The following ELF4 variants were observed in gnomAD, a reference collection of about 807,000 sequenced individuals.
ELF4 encodes the protein ETS-related transcription factor Elf-4.
A neutral mutation model predicts 31.7 loss-of-function variants in ELF4; 10 were observed. The ratio of observed to expected loss-of-function variants is 0.32; its 90% CI spans 0.19 to 0.54. The LOEUF is 0.54. ELF4 is among the 20% of genes least tolerant of loss of function. ELF4 has a pLI of 0.95. For synonymous variants in ELF4, 208 were observed against 226.7 expected (o/e 0.92, Z 0.74); for missense variants, 418 against 522.0 (o/e 0.80, Z 1.94).
At chrX:130,100,381 T>C (rs1254449193) in intron 1 of ELF4, among the ~76,000 whole-genome samples, 1 of 111,418 alleles carries the variant, frequency 9.0e-6, no homozygotes, top group Non-Finnish European at 1.9e-5. Flanking sequence ...ACTCATCTGC[T>C]CAGTTTCCAA....
chrX:130,084,581 G>C (rs140141791), intron 1 of ELF4, among the ~76,000 whole-genome samples: 325 of 111,862 alleles, frequency 2.9e-3, no homozygotes, highest in African/African-American at 1.0e-2. Context: ...GTATTGTGAA[G>C]CTATACCCAG....
At chrX:130,076,926 TC>T (rs1439556806) in intron 2 of ELF4, among the ~76,000 whole-genome samples, 1 of 111,477 alleles carries the variant, frequency 9.0e-6, no homozygotes, top group African/African-American at 3.3e-5. Flanking sequence ...TGTGTAGTGT[TC>T]CTGAGGGATC....
At chrX:130,085,757 T>C (rs1035120811) in intron 1 of ELF4, among the ~76,000 whole-genome samples, 1 of 111,477 alleles carries the variant, frequency 9.0e-6, no homozygotes, top group African/African-American at 3.3e-5. Context: ...CCATGAAACC[T>C]TTCTGGAATT....
At chrX:130,092,017 G>A (rs1029538220) in intron 1 of ELF4, among the ~76,000 whole-genome samples, 2 of 111,779 alleles carry the variant, frequency 1.8e-5, no homozygotes, top group Non-Finnish European at 3.8e-5. Context: ...CACCCTTCCC[G>A]TCTGCTGACC....
intron 1 of ELF4, among the ~76,000 whole-genome samples, chrX:130,105,770 G>GC (rs985692440): frequency 9.0e-6 from 1 of 111,076 alleles, no homozygotes; most frequent in Non-Finnish European, 1.9e-5. Flanking sequence ...GCCTGAGACT[G>GC]CCATGAGCAC....
rs780111877 is a variant in ELF4 at position 130,064,649 on chromosome X, T to G, written c.*2072A>C. ...TCTTGAACAGCCACGTTGGAAGTGG[T>G]AGGTGAAGAACCAGCCCCGGAAAGG... On this transcript the variant is annotated 3_prime_UTR_variant, in exon 9 of 9. Transcript: ENST00000308167. 9.0e-6 allele frequency among the ~76,000 whole-genome samples: 1 copy of G among 111,332 alleles called. No homozygotes were observed. The highest frequency in any genetic ancestry group is 9.5e-5 in the Admixed American group (1 of 10,515).
At chrX:130,071,481 A>G in intron 5 of ELF4, 62 bp from the exon 6 acceptor site, 2 of 1,114,308 alleles carry the variant, frequency 1.8e-6, no homozygotes, top group Non-Finnish European at 2.5e-6. Flanking sequence ...GGAGCTGGCC[A>G]AGTTGGCTGT....
chrX:130,082,565 C>T (rs1033307491), intron 1 of ELF4, among the ~76,000 whole-genome samples: 4 of 111,661 alleles, frequency 3.6e-5, no homozygotes, highest in Non-Finnish European at 7.5e-5. Context: ...CACCTCCTCT[C>T]GCCCCACGTG....
chrX:130,094,550 G>A (rs1173128024), intron 1 of ELF4, among the ~76,000 whole-genome samples: 1 of 107,566 alleles, frequency 9.3e-6, no homozygotes, highest in Non-Finnish European at 1.9e-5. Flanking sequence ...CTGGGTGACA[G>A]AGGAGACTCC....
At position 130,065,640 on chromosome X, in the gene ELF4, G is replaced by A. The variant is rs764486372; in HGVS notation, c.*1081C>T. 3.4e-4 allele frequency: 60 copies of A among 174,856 alleles called. No individual in the cohort carries two copies. Among genetic ancestry groups the A allele is most frequent in the Admixed American group, 2.2e-3 (28 of 12,765 alleles). The allele number at this position is 174,856 out of a possible 1,213,427, so 14.4% of individuals were successfully genotyped here. A position where few individuals can be genotyped will look rare whatever the true frequency, so the allele number is the denominator to read the frequency against. Reference sequence around the variant, plus strand: ...AGGTCGCTGCCGGACTAGCCGCAGTGATGCCTGACAGCTGGAAAATGTCAA... The same window carrying A: ...AGGTCGCTGCCGGACTAGCCGCAGTAATGCCTGACAGCTGGAAAATGTCAA... On this transcript the variant is annotated 3_prime_UTR_variant, in exon 9 of 9. Transcript: ENST00000308167.
chrX:130,097,134 A>T (rs888420812), intron 1 of ELF4, among the ~76,000 whole-genome samples: 8 of 81,813 alleles, frequency 9.8e-5, no homozygotes, highest in Non-Finnish European at 1.8e-4. Flanking sequence ...CATCTCTATT[A>T]AAAAAAAAAA....
Position 130,065,662 on chromosome X carries a change from T to G in ELF4, c.*1059A>C. On this transcript the variant is annotated 3_prime_UTR_variant, in exon 9 of 9. Transcript: ENST00000308167. ...AGTGATGCCTGACAGCTGGAAAATG[T>G]CAAAAAGTAATCAAGAGGGAGCCCA... 1 of 175,407 alleles carries G rather than the reference T, an allele frequency of 5.7e-6. No individual in the cohort carries two copies. Among genetic ancestry groups the G allele is most frequent in the African/African-American group, 2.9e-5 (1 of 34,401 alleles). 14.5% of individuals were successfully genotyped at this position (175,407 alleles called of 1,213,427 possible).
intron 1 of ELF4, among the ~76,000 whole-genome samples, chrX:130,096,233 A>T (rs1423484375): frequency 9.0e-6 from 1 of 110,816 alleles, no homozygotes; most frequent in Non-Finnish European, 1.9e-5. Context: ...CCCAGGCTGG[A>T]GTGCAGTAGC....
intron 1 of ELF4, among the ~76,000 whole-genome samples, chrX:130,089,116 C>T (rs949032837): frequency 1.8e-5 from 2 of 110,965 alleles, no homozygotes; most frequent in African/African-American, 6.6e-5. Flanking sequence ...CTACCAGGGC[C>T]TGGCCAGACA....
intron 1 of ELF4, among the ~76,000 whole-genome samples, chrX:130,085,893 G>A (rs1223633524): frequency 2.7e-5 from 3 of 112,001 alleles, no homozygotes; most frequent in African/African-American, 6.5e-5. Flanking sequence ...AAAACAGCCC[G>A]TCCTCAGGCG....
intron 2 of ELF4, among the ~76,000 whole-genome samples, chrX:130,075,486 C>T (rs1393661616): frequency 1.8e-5 from 2 of 109,910 alleles, no homozygotes; most frequent in Non-Finnish European, 3.8e-5. Context: ...CCGTGTTAGC[C>T]AGGATGGTCT....
chrX:130,103,019 C>T (rs143074613), intron 1 of ELF4, among the ~76,000 whole-genome samples: 313 of 110,224 alleles, frequency 2.8e-3, no homozygotes, highest in African/African-American at 9.9e-3. Flanking sequence ...ACTCAACATA[C>T]AGAAAAATTA....
chrX:130,078,522 C>A (rs995911879), intron 2 of ELF4, among the ~76,000 whole-genome samples: 1 of 110,276 alleles, frequency 9.1e-6, no homozygotes, highest in Non-Finnish European at 1.9e-5. Context: ...CTTTGGGAGG[C>A]CAAGGCGGAC....
intron 1 of ELF4, among the ~76,000 whole-genome samples, chrX:130,093,945 G>C (rs1031886177): frequency 1.8e-5 from 2 of 112,399 alleles, no homozygotes; most frequent in Non-Finnish European, 3.8e-5. Flanking sequence ...TGTCATGAGA[G>C]CAGGGGCCGG....
Sources: gnomAD v4.1 joint callset for allele counts (sites outside exome capture counted in the v4.1 genomes callset) on GRCh38, gnomAD v4.1.1 for gene constraint, MANE v1.5 for transcripts, NCBI Gene and HGNC (gene_info 2026-07-23, HGNC 2026-07-21) for gene names.